The following TBXAS1 variants were observed in gnomAD, a reference collection of about 807,000 sequenced individuals.
TBXAS1 encodes the protein thromboxane A synthase 1, also known as thromboxane-A synthase.
In TBXAS1, 48 loss-of-function variants were observed where a neutral mutation model predicts 60.7. That is an observed-to-expected ratio of 0.79 (90% CI 0.63 to 1.01). The LOEUF is 1.01. TBXAS1 is among the 50% of genes least tolerant of loss of function. TBXAS1 has a pLI of 0.00. For missense variants in TBXAS1, 685 were observed against 686.3 expected, an observed-to-expected ratio of 1.00 and a Z score of 0.02; for synonymous variants, 287 against 269.7, an observed-to-expected ratio of 1.06 and a Z score of -0.63.
intron 1 of TBXAS1, among the ~76,000 whole-genome samples, chr7:139,779,088 A>G (rs73735622): frequency 0.072 from 10,892 of 152,248 alleles, 1,315 homozygotes; most frequent in African/African-American, 0.25. Flanking sequence ...GGTACTGGAC[A>G]AGTGTACTGG....
Position 139,778,720 on chromosome 7 carries a change from G to A in TBXAS1, c.-318+249G>A, listed in dbSNP as rs550145878. 8.9e-4 allele frequency among the ~76,000 whole-genome samples: 136 copies of A among 152,258 alleles called. No individual in the cohort carries two copies. Among genetic ancestry groups the A allele is most frequent in the African/African-American group, 3.2e-3 (133 of 41,554 alleles). ...CCGCCACTCCATCACTTGAATGGGAGCTCACAACTCTCTGGGTCCTCGCTT... is the reference window on the plus strand; with the variant it reads ...CCGCCACTCCATCACTTGAATGGGAACTCACAACTCTCTGGGTCCTCGCTT... On this transcript the variant is annotated intron_variant, in intron 1 of 16. Transcript: ENST00000336425. This position sits in a 1 kb window ranked among gnomAD's most constrained non-coding sequence, Gnocchi z 4.8.
Position 139,985,311 on chromosome 7 carries a change from C to G in TBXAS1, c.1135-21780C>G, listed in dbSNP as rs554442093. Among the ~76,000 whole-genome samples the G allele has an allele frequency of 6.6e-5, 10 of 152,338 alleles. No individual in the cohort carries two copies. In the South Asian group the frequency reaches 1.9e-3, roughly 28 times the overall value. Reference sequence around the variant, plus strand: ...AGGTCCCCTGCCCATCCACCCCCCACCCCTCTAGCCTGACTGTCTGTGTCC... The same window carrying G: ...AGGTCCCCTGCCCATCCACCCCCCAGCCCTCTAGCCTGACTGTCTGTGTCC... On this transcript the variant is annotated intron_variant, in intron 9 of 12. Transcript: ENST00000448866.
intron 4 of TBXAS1, among the ~76,000 whole-genome samples, chr7:139,804,832 C>A (rs1797807250): frequency 6.6e-6 from 1 of 152,156 alleles, no homozygotes; most frequent in Non-Finnish European, 1.5e-5. Context: ...ACTGTGAGTC[C>A]ATTAAACCTC....
intron 12 of TBXAS1, among the ~76,000 whole-genome samples, chr7:140,019,633 GA>G (rs1815390481): frequency 6.6e-6 from 1 of 152,166 alleles, no homozygotes; most frequent in Admixed American, 6.5e-5. Context: ...AGCTCCAGAG[GA>G]AACCCAACTC....
chr7:139,994,617 G>GAA (rs112285103), intron 9 of TBXAS1, among the ~76,000 whole-genome samples: 6 of 147,146 alleles, frequency 4.1e-5, no homozygotes, highest in African/African-American at 5.0e-5. Flanking sequence ...TGGAAAAAAA[G>GAA]AAAAAAAAAA....
intron 9 of TBXAS1, among the ~76,000 whole-genome samples, chr7:139,980,390 C>A (rs754546053): frequency 2.6e-5 from 4 of 152,070 alleles, no homozygotes; most frequent in South Asian, 2.1e-4. Flanking sequence ...AGAGGTGGCC[C>A]GTGGGTGTAA....
chr7:139,951,969 A>AG (rs1491277316), intron 5 of TBXAS1, among the ~76,000 whole-genome samples: 1 of 141,934 alleles, frequency 7.0e-6, no homozygotes, highest in African/African-American at 2.6e-5. Flanking sequence ...AAAGAAAGAA[A>AG]GAAAGAAAGA....
chr7:140,020,040 G>A lies in TBXAS1; in HGVS notation c.1543G>A (p.Glu515Lys), dbSNP rs199906594. The part of the protein sequence containing the change: ...CPETQVPLQL[E>K]SKSALGPKNG... ...TCTATTTTAGGTACCGCTGCAGCTA[G>A]AATCCAAATCTGCCCTAGGTCCAAA... The change falls in exon 13 of 13, where the codon GAA (glutamate) becomes AAA (lysine). Residue 515 changes from glutamate (E) to lysine (K), a missense_variant. Coordinates refer to ENST00000448866, the MANE Select transcript of TBXAS1 (RefSeq NM_001061.7). 2.0e-5 allele frequency: 33 copies of A among 1,613,548 alleles called. No homozygotes were observed. Among genetic ancestry groups the A allele is most frequent in the Non-Finnish European group, 2.5e-5 (30 of 1,179,938 alleles).
intron 3 of TBXAS1, among the ~76,000 whole-genome samples, chr7:139,888,814 C>A (rs919400718): frequency 6.6e-6 from 1 of 151,906 alleles, no homozygotes; most frequent in African/African-American, 2.4e-5. Flanking sequence ...GAGAGGACAA[C>A]CTTGGCAGTG....
At chr7:139,779,365 C>G (rs1796902470) in intron 1 of TBXAS1, among the ~76,000 whole-genome samples, 1 of 152,102 alleles carries the variant, frequency 6.6e-6, no homozygotes, top group South Asian at 2.1e-4. Flanking sequence ...TCTTCCTTGC[C>G]CCCATAATCA....
intron 1 of TBXAS1, among the ~76,000 whole-genome samples, chr7:139,862,335 G>A (rs1801030310): frequency 6.6e-6 from 1 of 152,186 alleles, no homozygotes. Flanking sequence ...TGGAAAGAGG[G>A]AAGAGAGTGC....
chr7:139,790,626 T>A (rs1295505671), intron 4 of TBXAS1, among the ~76,000 whole-genome samples: 2 of 152,212 alleles, frequency 1.3e-5, no homozygotes, highest in Non-Finnish European at 2.9e-5. Context: ...ACTAAATGAA[T>A]GTACATAGTA....
chr7:139,911,647 G>T, intron 4 of TBXAS1, among the ~76,000 whole-genome samples: 1 of 152,210 alleles, frequency 6.6e-6, no homozygotes, highest in South Asian at 2.1e-4. Flanking sequence ...AGTGACTGAC[G>T]GAGAATGAGC....
At chr7:139,857,906 A>AT (rs1204660100) in intron 1 of TBXAS1, among the ~76,000 whole-genome samples, 4 of 151,180 alleles carry the variant, frequency 2.6e-5, no homozygotes, top group African/African-American at 7.3e-5. Context: ...ATTTTTAAAA[A>AT]TTTTTTTTGT....
intron 4 of TBXAS1, among the ~76,000 whole-genome samples, chr7:139,813,683 GC>G (rs1798080042): frequency 6.6e-6 from 1 of 152,174 alleles, no homozygotes; most frequent in Admixed American, 6.5e-5. Flanking sequence ...CTAGAACTCA[GC>G]AACTCTAGAA....
chr7:140,001,122 A>AG (rs373050484), intron 9 of TBXAS1, among the ~76,000 whole-genome samples: 7 of 152,122 alleles, frequency 4.6e-5, no homozygotes, highest in South Asian at 4.1e-4. Context: ...GAGGCGCTGC[A>AG]GGGGGGGCTT....
intron 9 of TBXAS1, among the ~76,000 whole-genome samples, chr7:140,006,678 C>G (rs1377647312): frequency 6.6e-6 from 1 of 152,096 alleles, no homozygotes; most frequent in Non-Finnish European, 1.5e-5. Flanking sequence ...CCATGACTAC[C>G]CATGTGACAG....
chr7:139,910,852 G>A (rs543289812), intron 3 of TBXAS1, among the ~76,000 whole-genome samples: 65 of 152,192 alleles, frequency 4.3e-4, no homozygotes, highest in Admixed American at 6.5e-4. Flanking sequence ...GGATAACACC[G>A]ACCTCTGCCA....
intron 3 of TBXAS1, among the ~76,000 whole-genome samples, chr7:139,893,402 G>A (rs919384079): frequency 1.9e-4 from 29 of 149,218 alleles, no homozygotes; most frequent in African/African-American, 7.0e-4. Flanking sequence ...TACATGCCTG[G>A]GCATAACGTG....
Sources: gnomAD v4.1 joint callset for allele counts (sites outside exome capture counted in the v4.1 genomes callset) on GRCh38, gnomAD v4.1.1 for gene constraint, Gnocchi (gnomAD v3.1) non-coding constraint, MANE v1.5 for transcripts, NCBI Gene and HGNC (gene_info 2026-07-23, HGNC 2026-07-21) for gene names.